Variants in ITPR2 observed in about 807,000 individuals in gnomAD.
ITPR2 encodes the protein inositol 1,4,5-trisphosphate receptor type 2.
In ITPR2, 207 loss-of-function variants were observed where a neutral mutation model predicts 317.1. That is an observed-to-expected ratio of 0.65 (90% CI 0.58 to 0.73). The LOEUF (loss-of-function observed/expected upper bound fraction) is 0.73, where lower values mean the gene tolerates loss of function less well. ITPR2 is among the 30% of genes least tolerant of loss of function. ITPR2 has a pLI of 0.00. For missense variants in ITPR2, 2,613 were observed against 3,284.0 expected (o/e 0.80, Z 4.99); for synonymous variants, 1,156 against 1,149.1 (o/e 1.01, Z -0.12).
At chr12:26,825,964 T>C (rs961981696) in intron 1 of ITPR2, among the ~76,000 whole-genome samples, 5 of 152,252 alleles carry the variant, frequency 3.3e-5, no homozygotes, top group Non-Finnish European at 5.9e-5. Flanking sequence ...AAAACAAAGC[T>C]AAGCTTATAT....
intron 1 of ITPR2, among the ~76,000 whole-genome samples, chr12:26,801,545 G>A (rs913322429): frequency 1.3e-5 from 2 of 152,174 alleles, no homozygotes; most frequent in Non-Finnish European, 2.9e-5. Flanking sequence ...GTTTGCTTTG[G>A]AGGATGCCTG....
chr12:26,569,100 G>A, intron 34 of ITPR2, among the ~76,000 whole-genome samples: 1 of 151,922 alleles, frequency 6.6e-6, no homozygotes, highest in Non-Finnish European at 1.5e-5. Flanking sequence ...AAAACACAAA[G>A]AGACAAACCA....
At chr12:26,584,935 T>C (rs1003464027) in intron 32 of ITPR2, among the ~76,000 whole-genome samples, 5 of 152,228 alleles carry the variant, frequency 3.3e-5, no homozygotes, top group Admixed American at 6.5e-5. Context: ...CATTCCGTTA[T>C]TTGTGAGGCC....
At chr12:26,543,062 T>C (rs1944303698) in intron 37 of ITPR2, among the ~76,000 whole-genome samples, 1 of 152,184 alleles carries the variant, frequency 6.6e-6, no homozygotes, top group African/African-American at 2.4e-5. Flanking sequence ...TAACTTGTAA[T>C]GCTCTATAAA....
At chr12:26,710,846 T>G (rs978776873) in intron 9 of ITPR2, among the ~76,000 whole-genome samples, 2 of 152,194 alleles carry the variant, frequency 1.3e-5, no homozygotes, top group African/African-American at 4.8e-5. Context: ...ATATCTATGA[T>G]GCGGACATTC....
chr12:26,566,702 ACAAT>A (rs957397336), intron 34 of ITPR2, among the ~76,000 whole-genome samples: 1 of 152,236 alleles, frequency 6.6e-6, no homozygotes, highest in Non-Finnish European at 1.5e-5. Context: ...GCAACCTTAA[ACAAT>A]CAATTTCACC....
intron 2 of ITPR2, 34 bp downstream of exon 2, chr12:26,790,123 C>T (rs1304829137): frequency 5.7e-6 from 8 of 1,398,620 alleles, no homozygotes; most frequent in Non-Finnish European, 8.1e-6. Flanking sequence ...TCCCTCTTAG[C>T]TCACACAATT....
chr12:26,820,048 G>A (rs539343923), intron 1 of ITPR2, among the ~76,000 whole-genome samples: 1 of 152,212 alleles, frequency 6.6e-6, no homozygotes, highest in African/African-American at 2.4e-5. Context: ...TCCAGCCTGG[G>A]TGACAGCAGA....
intron 42 of ITPR2, 102 bp from the exon 43 acceptor site, chr12:26,481,343 T>TA (rs1182820296): frequency 3.0e-6 from 2 of 657,118 alleles, no homozygotes; most frequent in Non-Finnish European, 5.2e-6. Context: ...TTTTGACCTT[T>TA]AAAAAATAGG....
At chr12:26,624,076 A>G (rs1439429344) in intron 24 of ITPR2, among the ~76,000 whole-genome samples, 1 of 152,186 alleles carries the variant, frequency 6.6e-6, no homozygotes, top group Admixed American at 6.5e-5. Flanking sequence ...AGTTCAATAC[A>G]CTGATCTCAT....
At chr12:26,699,387 C>G (rs1036324260) in intron 9 of ITPR2, among the ~76,000 whole-genome samples, 4 of 152,192 alleles carry the variant, frequency 2.6e-5, no homozygotes, top group Non-Finnish European at 4.4e-5. Flanking sequence ...AAGGAAACAC[C>G]AGCATCTTTA....
intron 1 of ITPR2, among the ~76,000 whole-genome samples, chr12:26,810,979 T>C (rs192300902): frequency 3.4e-5 from 5 of 145,496 alleles, no homozygotes; most frequent in African/African-American, 1.3e-4. Flanking sequence ...TCTGTTTTTT[T>C]AAACAAACAA....
intron 37 of ITPR2, among the ~76,000 whole-genome samples, chr12:26,531,362 T>C (rs1358203301): frequency 1.3e-5 from 2 of 152,214 alleles, no homozygotes; most frequent in Non-Finnish European, 2.9e-5. Flanking sequence ...TTTTTAACCA[T>C]TCATTTATCA....
At chr12:26,395,316 T>G (rs1200809359) in intron 54 of ITPR2, among the ~76,000 whole-genome samples, 1 of 152,072 alleles carries the variant, frequency 6.6e-6, no homozygotes, top group Non-Finnish European at 1.5e-5. Context: ...AACACTTCAA[T>G]TTGTTGATGA....
intron 55 of ITPR2, among the ~76,000 whole-genome samples, chr12:26,385,067 A>T (rs1939627764): frequency 6.6e-6 from 1 of 152,082 alleles, no homozygotes; most frequent in South Asian, 2.1e-4. Context: ...TGAGTGCACA[A>T]CCCTCCTGTG....
intron 45 of ITPR2, among the ~76,000 whole-genome samples, chr12:26,463,962 T>C (rs1406045920): frequency 6.6e-6 from 1 of 152,170 alleles, no homozygotes; most frequent in African/African-American, 2.4e-5. Flanking sequence ...TTCCCTATGA[T>C]GAAAATGCTT....
chr12:26,623,551 G>A (rs1946551269), intron 24 of ITPR2: 1 of 152,082 alleles, frequency 6.6e-6, no homozygotes, highest in Non-Finnish European at 1.5e-5. Context: ...TGTATATATA[G>A]GAAAAAACAC....
chr12:26,631,993 C>A lies in ITPR2; in HGVS notation c.2807G>T (p.Gly936Val). Residue 936 changes from glycine (G) to valine (V), a missense_variant, in exon 22 of 57, where the codon GGC becomes GTC. Transcript: ENST00000381340. ...CGGCACGCTCATGGGGAAGATGGAG[C>A]CTCTACTGAGTACCATCTGGGTCAT... ...EMMTQMVLSR[G>V]SIFPMSVPDV... 1 of 1,612,764 alleles carries A rather than the reference C, an allele frequency of 6.2e-7. No homozygotes were observed. The highest frequency in any genetic ancestry group is 8.5e-7 in the Non-Finnish European group (1 of 1,179,446).
At chr12:26,811,953 G>A (rs1445299883) in intron 1 of ITPR2, among the ~76,000 whole-genome samples, 2 of 151,090 alleles carry the variant, frequency 1.3e-5, no homozygotes. Context: ...CTTGAGGCCA[G>A]GAGTTCAAGA....
Sources: gnomAD v4.1 joint callset for allele counts (sites outside exome capture counted in the v4.1 genomes callset) on GRCh38, gnomAD v4.1.1 for gene constraint, MANE v1.5 for transcripts, NCBI Gene and HGNC (gene_info 2026-07-23, HGNC 2026-07-21) for gene names.